Variants in ASL observed in about 807,000 individuals in gnomAD.
The protein encoded by ASL is argininosuccinate lyase, also known as argininosuccinase.
ASL carries 51 observed loss-of-function variants against 69.1 expected under a neutral mutation model. The ratio of observed to expected loss-of-function variants is 0.74; its 90% confidence interval spans 0.59 to 0.93. ASL has a LOEUF of 0.93. Ranked by LOEUF, ASL falls within the 40% of genes least tolerant of loss-of-function variation. The probability of loss-of-function intolerance (pLI) is 0.00; values close to 1 mark genes in which losing one functional copy is unlikely to be tolerated. For synonymous variants in ASL, 241 were observed against 247.6 expected (o/e 0.97, Z 0.25); for missense variants, 540 against 623.9 (o/e 0.87, Z 1.43).
rs1786531858 is a variant in ASL, at chr7:66,082,399, A to C, written c.239A>C (p.Lys80Thr). Residue 80 changes from lysine (K) to threonine (T), a missense_variant, in exon 4 of 17, where the codon AAA becomes ACA. Coordinates refer to ENST00000304874, the MANE Select transcript of ASL (RefSeq NM_000048.4). ...VAEEWAQGTF[K>T]LNSNDEDIHT... The stretch of plus-strand genomic sequence containing the variant: ...GAGGAGTGGGCCCAGGGCACCTTCA[A>C]ACTGAACTCCAATGATGAGGACATC... 1.2e-6 allele frequency: 2 copies of C among 1,612,646 alleles called. No homozygotes were observed. The highest frequency in any genetic ancestry group is 1.7e-6 in the Non-Finnish European group (2 of 1,179,716).
Position 66,091,930 on chromosome 7 carries a change from A to T in ASL, c.1063-76A>T, listed in dbSNP as rs879090571. On this transcript the variant is annotated intron_variant, in intron 14 of 16. Transcript: ENST00000304874. ...GCCCAAGGCAGGGATGTCCTGGCAGAGGGGCAGGTCCTGGGCCTGGCAGCT... is the reference window on the plus strand; with the variant it reads ...GCCCAAGGCAGGGATGTCCTGGCAGTGGGGCAGGTCCTGGGCCTGGCAGCT... The T allele has an allele frequency of 4.4e-5, 66 of 1,490,522 alleles. No homozygotes were observed. In the South Asian group the frequency reaches 7.0e-4, roughly 16 times the overall value. 92.3% of individuals were successfully genotyped at this position (1,490,522 alleles called of 1,614,324 possible).
chr7:66,078,329 G>A (rs981162999), intron 2 of ASL, among the ~76,000 whole-genome samples: 5 of 152,088 alleles, frequency 3.3e-5, no homozygotes, highest in African/African-American at 1.2e-4. Context: ...CAAAGATGGG[G>A]TGGGGGCGGA....
Position 66,086,726 on chromosome 7 carries a change from G to A in ASL, c.525-18G>A. 2 of 1,609,510 alleles carry A rather than the reference G, an allele frequency of 1.2e-6. No homozygotes were observed. Among genetic ancestry groups the A allele is most frequent in the Non-Finnish European group, 1.7e-6 (2 of 1,178,546 alleles). ...GGACCCCGGCTGCCCTGACCCTCCT[G>A]CCCCTGGCTTCCCACAGCCACGCCG... On this transcript the variant is annotated intron_variant, in intron 7 of 16. Coordinates refer to ENST00000304874, the MANE Select transcript of ASL (RefSeq NM_000048.4).
rs776057556 is a variant in ASL at position 66,089,263 on chromosome 7, CCT to C, written c.919-10_919-9del. 2 of 1,611,184 alleles carry C rather than the reference CCT, an allele frequency of 1.2e-6. No individual in the cohort carries two copies. The highest frequency in any genetic ancestry group is 1.7e-6 in the Non-Finnish European group (2 of 1,178,924). ...ATCCCGGGTCCAGCCCCTGTGCCTC[CCT>C]CTTCCCGCAGTGTGCCGGGCTCCTG... On this transcript the variant is annotated splice_polypyrimidine_tract_variant and intron_variant, in intron 12 of 16. Coordinates refer to ENST00000304874, the MANE Select transcript of ASL (RefSeq NM_000048.4).
rs959333285 is a variant in ASL, at chr7:66,088,720, C to T, written c.719-87C>T. Reference sequence around the variant, plus strand: ...AAAAATGAAAATTTAGCCGGGTCCCCCCACCGCCTAACCTCCTCCTGCCCC... The same window carrying T: ...AAAAATGAAAATTTAGCCGGGTCCCTCCACCGCCTAACCTCCTCCTGCCCC... On this transcript the variant is annotated intron_variant, in intron 10 of 16. Coordinates refer to ENST00000304874, the MANE Select transcript of ASL (RefSeq NM_000048.4). 4 of 1,156,864 alleles carry T rather than the reference C, an allele frequency of 3.5e-6. No homozygotes were observed. The African/African-American group carries it at 6.1e-5, about 18-fold the overall frequency. The allele number at this position is 1,156,864 out of a possible 1,614,324, so 71.7% of individuals were successfully genotyped here.
At chr7:66,087,141 T>C in intron 8 of ASL, 193 bp from the exon 9 acceptor site, 2 of 691,746 alleles carry the variant, frequency 2.9e-6, no homozygotes, top group East Asian at 2.7e-5. Context: ...TTGTGGACAC[T>C]TGGGGACAAG....
In ASL at chr7:66,093,220, G is replaced by A; in HGVS notation, c.*308G>A. The A allele has an allele frequency of 2.1e-6, 1 of 465,650 alleles. No individual in the cohort carries two copies. The highest frequency in any genetic ancestry group is 2.1e-5 in the South Asian group (1 of 48,608). The allele number at this position is 465,650 out of a possible 1,614,324, so 28.8% of individuals were successfully genotyped here. On this transcript the variant is annotated 3_prime_UTR_variant, in exon 17 of 17. Transcript: ENST00000304874. ...TAGTCCCAGCTACTTGTAAGGCTGA[G>A]GTGAGAGGACACTTGTGCCCAGGAG... is the stretch of plus-strand genomic sequence containing the variant.
rs904756372 is a variant in ASL, at chr7:66,093,089, C to T, written c.*177C>T. The T allele has an allele frequency of 1.3e-5, 13 of 1,033,864 alleles. No homozygotes were observed. The Admixed American group carries it at 1.7e-4, about 14-fold the overall frequency. 64.0% of individuals were successfully genotyped at this position (1,033,864 alleles called of 1,614,324 possible). A position where few individuals can be genotyped will look rare whatever the true frequency, so the allele number is the denominator to read the frequency against. On this transcript the variant is annotated 3_prime_UTR_variant, in exon 17 of 17. Coordinates refer to ENST00000304874, the MANE Select transcript of ASL (RefSeq NM_000048.4). ...CCCAGCACTTTGGAAGGGCAAGGTG[C>T]GAGGATGCTTGAGGCCAGGAGTTTG...
rs377761362 is a variant in ASL at position 66,092,073 on chromosome 7, T to C, written c.1130T>C (p.Leu377Pro). Residue 377 changes from leucine to proline, a missense_variant, in exon 15 of 17, where the codon CTG (leucine) becomes CCG (proline). Transcript: ENST00000304874. The stretch of plus-strand genomic sequence containing the variant: ...CTGGCCACTGACCTTGCCTATTACC[T>C]GGTCCGCAAAGGGGTAAGTGTGTAG... The part of the protein sequence containing the change: ...DMLATDLAYY[L>P]VRKGMPFRQA... The C allele has an allele frequency of 6.2e-7, 1 of 1,612,356 alleles. No homozygotes were observed. Among genetic ancestry groups the C allele is most frequent in the African/African-American group, 1.3e-5 (1 of 74,882 alleles).
At chr7:66,075,935 C>A (rs1173140565) in intron 1 of ASL, 79 bp downstream of exon 1, 3 of 1,086,072 alleles carry the variant, frequency 2.8e-6, no homozygotes, top group African/African-American at 3.2e-5. Flanking sequence ...GTCCGCGTCC[C>A]CAAGGGCTGC....
chr7:66,082,596 C>G (rs1190758601), intron 4 of ASL, 145 bp downstream of exon 4: 1 of 1,036,664 alleles, frequency 9.6e-7, no homozygotes, highest in African/African-American at 1.6e-5. Context: ...CACCCTGGCT[C>G]ATGCCTATAA....
At chr7:66,083,475 A>G (rs1465486766) in intron 6 of ASL, 1 of 343,196 alleles carries the variant, frequency 2.9e-6, no homozygotes, top group Non-Finnish European at 5.7e-6. Flanking sequence ...ACCTGAGGTC[A>G]GGAGTTCGAG....
chr7:66,082,082 G>GT, intron 3 of ASL, 85 bp downstream of exon 3: 1 of 1,491,478 alleles, frequency 6.7e-7, no homozygotes. Flanking sequence ...ACAGTGCAGT[G>GT]TTGCCCATCT....
At position 66,087,384 on chromosome 7, in the gene ASL, C is replaced by T; in HGVS notation, c.653C>T (p.Ala218Val). The T allele has an allele frequency of 6.2e-7, 1 of 1,607,026 alleles. No individual in the cohort carries two copies. Residue 218 changes from alanine to valine, a missense_variant and splice_region_variant, in exon 9 of 17, where the codon GCA becomes GTA. Ala to Val is a moderately conservative substitution (Grantham distance 64). Coordinates refer to ENST00000304874, the MANE Select transcript of ASL (RefSeq NM_000048.4). ...PLGVDRELLR[A>V]ELNFGAITLN... The stretch of plus-strand genomic sequence containing the variant: ...GGTGTGGACCGAGAGCTGCTCCGAG[C>T]AGGTGAGACGTCCTGCCCCTCCTCC...
intron 8 of ASL, 109 bp from the exon 9 acceptor site, chr7:66,087,225 G>C: frequency 7.3e-7 from 1 of 1,367,528 alleles, no homozygotes; most frequent in Non-Finnish European, 1.0e-6. Flanking sequence ...CCAGGACTTG[G>C]TTCTCTGTGT....
rs1373142818 is a variant in ASL, at chr7:66,093,261, G to A, written c.*349G>A. Reference sequence around the variant, plus strand: ...TGCCCAGGAGTGGAGGCTGCAGTGAGCTATGATCACGCCACTGCATTCCAG... The same window carrying A: ...TGCCCAGGAGTGGAGGCTGCAGTGAACTATGATCACGCCACTGCATTCCAG... On this transcript the variant is annotated 3_prime_UTR_variant, in exon 17 of 17. Coordinates refer to ENST00000304874, the MANE Select transcript of ASL (RefSeq NM_000048.4). 2.5e-6 allele frequency: 1 copy of A among 401,670 alleles called. No homozygotes were observed. The highest frequency in any genetic ancestry group is 4.7e-6 in the Non-Finnish European group (1 of 210,850). The allele number at this position is 401,670 out of a possible 1,614,324, so 24.9% of individuals were successfully genotyped here.
intron 10 of ASL, among the ~76,000 whole-genome samples, chr7:66,088,097 G>A (rs771680731): frequency 1.5e-4 from 23 of 152,118 alleles, no homozygotes; most frequent in South Asian, 4.1e-4. Context: ...CCCAGGAGGC[G>A]GAGGCTGCAG....
In ASL at chr7:66,092,568, C is replaced by T. The variant is rs374176189; in HGVS notation, c.1155C>T (p.Arg385=). Residue 385 remains arginine (R), a synonymous_variant, in exon 16 of 17, where the codon CGC becomes CGT. Coordinates refer to ENST00000304874, the MANE Select transcript of ASL (RefSeq NM_000048.4). ...TCCCTGGCACCCAGATGCCATTCCG[C>T]CAGGCCCACGAGGCCTCCGGGAAAG... is the stretch of plus-strand genomic sequence containing the variant. The part of the protein sequence containing the change: ...YYLVRKGMPF[R]QAHEASGKAV... The T allele has an allele frequency of 6.2e-7, 1 of 1,609,900 alleles. No individual in the cohort carries two copies. The highest frequency in any genetic ancestry group is 8.5e-7 in the Non-Finnish European group (1 of 1,179,944).
chr7:66,076,064 G>A lies in ASL; in HGVS notation c.-18G>A. On this transcript the variant is annotated 5_prime_UTR_variant, in exon 2 of 17. Coordinates refer to ENST00000304874, the MANE Select transcript of ASL (RefSeq NM_000048.4). ...ACCCGGAGGACCGAAGCTTCCGGACGACGAGGAACCGCCCAACATGGCCTC... is the reference window on the plus strand; with the variant it reads ...ACCCGGAGGACCGAAGCTTCCGGACAACGAGGAACCGCCCAACATGGCCTC... 6.3e-7 allele frequency: 1 copy of A among 1,598,836 alleles called. No homozygotes were observed. Among genetic ancestry groups the A allele is most frequent in the Non-Finnish European group, 8.5e-7 (1 of 1,173,278 alleles).
Sources: allele counts gnomAD v4.1 joint callset (sites outside exome capture counted in the v4.1 genomes callset), GRCh38; gene constraint gnomAD v4.1.1; transcripts MANE v1.5; gene names NCBI Gene and HGNC (gene_info 2026-07-23, HGNC 2026-07-21).